The following MCTP1 variants were observed in gnomAD, a reference collection of about 807,000 sequenced individuals.
The protein encoded by MCTP1 is multiple C2 and transmembrane domain-containing protein 1.
MCTP1 carries 69 observed loss-of-function variants against 120.6 expected under a neutral mutation model. The observed-to-expected ratio is 0.57, with a 90% confidence interval of 0.47 to 0.70. MCTP1 has a LOEUF of 0.70. Among genes scored for constraint, MCTP1 ranks in the 30% least tolerant of loss-of-function variants. MCTP1 has a pLI of 0.00. For missense variants in MCTP1, 1,203 were observed against 1,248.8 expected, an observed-to-expected ratio of 0.96 and a Z score of 0.55; for synonymous variants, 529 against 493.1, an observed-to-expected ratio of 1.07 and a Z score of -0.96.
At chr5:95,201,762 C>T (rs1366494933) in intron 1 of MCTP1, among the ~76,000 whole-genome samples, 1 of 151,982 alleles carries the variant, frequency 6.6e-6, no homozygotes, top group Non-Finnish European at 1.5e-5. Context: ...GCCTCGGCCT[C>T]CCAAAGTGCT....
intron 1 of MCTP1, among the ~76,000 whole-genome samples, chr5:95,146,861 G>A (rs1760438308): frequency 1.3e-5 from 2 of 152,040 alleles, no homozygotes; most frequent in African/African-American, 4.8e-5. Context: ...TGTGGTTGTT[G>A]GGTGCAGTAT....
chr5:94,941,274 A>G (rs1817644033), intron 4 of MCTP1, among the ~76,000 whole-genome samples: 1 of 152,012 alleles, frequency 6.6e-6, no homozygotes, highest in African/African-American at 2.4e-5. Flanking sequence ...AATAGACTCC[A>G]TGCAACACCA....
intron 2 of MCTP1, among the ~76,000 whole-genome samples, chr5:95,014,664 G>A (rs1035046095): frequency 3.3e-5 from 5 of 152,046 alleles, no homozygotes; most frequent in African/African-American, 7.2e-5. Context: ...AAATACTCCA[G>A]TATTATATTA....
intron 1 of MCTP1, among the ~76,000 whole-genome samples, chr5:95,209,714 T>C (rs1244065079): frequency 6.6e-6 from 1 of 152,178 alleles, no homozygotes; most frequent in African/African-American, 2.4e-5. Flanking sequence ...CCTGGAATGT[T>C]CCCACACCGG....
chr5:94,810,512 T>C (rs1783186823), intron 17 of MCTP1, among the ~76,000 whole-genome samples: 1 of 152,160 alleles, frequency 6.6e-6, no homozygotes, highest in Admixed American at 6.5e-5. Flanking sequence ...GAAAATAGGA[T>C]ACCCAGCTAT....
intron 1 of MCTP1, among the ~76,000 whole-genome samples, chr5:95,182,477 T>C (rs780957166): frequency 6.6e-6 from 1 of 152,206 alleles, no homozygotes; most frequent in African/African-American, 2.4e-5. Context: ...AACTATAGTA[T>C]GTTAAATTAG....
intron 2 of MCTP1, among the ~76,000 whole-genome samples, chr5:94,967,353 C>T (rs548966360): frequency 1.3e-4 from 20 of 152,280 alleles, no homozygotes; most frequent in African/African-American, 2.6e-4. Flanking sequence ...TCACACACCA[C>T]GTAACAAGCC....
chr5:94,992,897 A>G (rs1831879646), intron 2 of MCTP1, among the ~76,000 whole-genome samples: 1 of 152,328 alleles, frequency 6.6e-6, no homozygotes, highest in Non-Finnish European at 1.5e-5. Context: ...ACTTAAAAAC[A>G]TGGTCTTTTC....
At chr5:95,211,349 TA>T (rs1752346975) in intron 1 of MCTP1, among the ~76,000 whole-genome samples, 1 of 152,104 alleles carries the variant, frequency 6.6e-6, no homozygotes, top group African/African-American at 2.4e-5. Context: ...CATAGTCCCA[TA>T]ATTCTTGGAG....
intron 6 of MCTP1, among the ~76,000 whole-genome samples, chr5:94,929,957 C>T (rs1327179914): frequency 6.6e-6 from 1 of 152,094 alleles, no homozygotes; most frequent in Non-Finnish European, 1.5e-5. Context: ...TAGGCTAAAA[C>T]CCAAAAGCTT....
At chr5:94,791,432 C>T (rs944857285) in intron 18 of MCTP1, among the ~76,000 whole-genome samples, 19 of 151,652 alleles carry the variant, frequency 1.3e-4, no homozygotes, top group Middle Eastern at 3.4e-3. Context: ...GAGTTCGAGG[C>T]TGCAGTGAGC....
At chr5:94,722,931 G>A (rs1761245317) in intron 19 of MCTP1, among the ~76,000 whole-genome samples, 1 of 152,144 alleles carries the variant, frequency 6.6e-6, no homozygotes, top group South Asian at 2.1e-4. Context: ...CAGGTGCCAT[G>A]CAAAATAGAC....
intron 2 of MCTP1, among the ~76,000 whole-genome samples, chr5:94,958,701 C>A (rs932541970): frequency 2.0e-5 from 3 of 152,032 alleles, no homozygotes; most frequent in Non-Finnish European, 4.4e-5. Flanking sequence ...ACACATACAC[C>A]CTCCCAAGAC....
chr5:94,708,870 G>A (rs563873775), intron 21 of MCTP1: 21 of 289,174 alleles, frequency 7.3e-5, no homozygotes, highest in Non-Finnish European at 1.3e-4. Flanking sequence ...CAATATCTTG[G>A]TTTTTTTTCC....
chr5:94,712,433 G>A (rs1198659382), intron 20 of MCTP1, among the ~76,000 whole-genome samples: 6 of 150,808 alleles, frequency 4.0e-5, no homozygotes, highest in Non-Finnish European at 8.9e-5. Context: ...TTTTTTTTCA[G>A]GGCAATTTTG....
At chr5:94,750,477 C>T (rs1353795247) in intron 19 of MCTP1, among the ~76,000 whole-genome samples, 1 of 152,186 alleles carries the variant, frequency 6.6e-6, no homozygotes, top group Non-Finnish European at 1.5e-5. Context: ...TAGGACTGCA[C>T]TTCCTTATCT....
intron 1 of MCTP1, among the ~76,000 whole-genome samples, chr5:95,042,930 T>C (rs1842591853): frequency 6.6e-6 from 1 of 152,194 alleles, no homozygotes; most frequent in Admixed American, 6.5e-5. Context: ...TTTTATACTA[T>C]TATAAACAAT....
chr5:94,878,428 T>C (rs1450275804), intron 12 of MCTP1, among the ~76,000 whole-genome samples: 1 of 152,066 alleles, frequency 6.6e-6, no homozygotes, highest in Non-Finnish European at 1.5e-5. Flanking sequence ...TCTTTTTTTC[T>C]CACTGAGTCA....
At chr5:94,906,151 T>C (rs536581097) in intron 10 of MCTP1, among the ~76,000 whole-genome samples, 10 of 152,202 alleles carry the variant, frequency 6.6e-5, no homozygotes, top group African/African-American at 2.4e-4. Flanking sequence ...TTTTGGTGGC[T>C]TGTTGGGGGC....
Sources: gnomAD v4.1 joint callset for allele counts (sites outside exome capture counted in the v4.1 genomes callset) on GRCh38, gnomAD v4.1.1 for gene constraint, MANE v1.5 for transcripts, NCBI Gene and HGNC (gene_info 2026-07-23, HGNC 2026-07-21) for gene names.